USH2A: variants seen among roughly 807,000 people sequenced by gnomAD.
The protein encoded by USH2A is Usher syndrome 2A (autosomal recessive, mild).
A neutral mutation model predicts 538.9 loss-of-function variants in USH2A; 443 were observed. The observed-to-expected ratio is 0.82, with a 90% CI of 0.76 to 0.89. The LOEUF (loss-of-function observed/expected upper bound fraction) is 0.89. Among genes scored for constraint, USH2A ranks in the 40% least tolerant of loss-of-function variants. The pLI is 0.00. For missense variants in USH2A, 6,633 were observed against 6,324.8 expected (o/e 1.05, Z -1.65); for synonymous variants, 2,413 against 2,273.5 (o/e 1.06, Z -1.75).
At chr1:215,838,127 AT>A in intron 46 of USH2A, 24 bp from the exon 47 acceptor site, 4 of 1,577,400 alleles carry the variant, frequency 2.5e-6, no homozygotes, top group Non-Finnish European at 3.5e-6. Flanking sequence ...TTTAGAAAAA[AT>A]AAATGCAACC....
chr1:216,262,146 C>T (rs962403890), intron 11 of USH2A, among the ~76,000 whole-genome samples: 3 of 152,036 alleles, frequency 2.0e-5, no homozygotes, highest in Non-Finnish European at 2.9e-5. Context: ...AATGTAGGAA[C>T]ACAAGAAACA....
At chr1:216,333,432 G>C (rs548645957) in intron 4 of USH2A, among the ~76,000 whole-genome samples, 3 of 152,066 alleles carry the variant, frequency 2.0e-5, no homozygotes, top group Non-Finnish European at 2.9e-5. Context: ...GAAAGAGAAA[G>C]AATGTTGAGA....
At chr1:215,952,115 C>T (rs1325990925) in intron 37 of USH2A, among the ~76,000 whole-genome samples, 2 of 152,210 alleles carry the variant, frequency 1.3e-5, no homozygotes, top group Non-Finnish European at 2.9e-5. Flanking sequence ...CCACCCGCCT[C>T]GGCCTCCCAA....
chr1:216,421,591 G>T (rs910093990), intron 2 of USH2A, among the ~76,000 whole-genome samples: 2 of 152,134 alleles, frequency 1.3e-5, no homozygotes, highest in South Asian at 2.1e-4. Flanking sequence ...AAGACCAAAG[G>T]TCGCGCTAAG....
intron 21 of USH2A, among the ~76,000 whole-genome samples, chr1:216,132,002 G>A (rs1008600733): frequency 6.6e-6 from 1 of 151,984 alleles, no homozygotes; most frequent in Non-Finnish European, 1.5e-5. Context: ...TGGTAGAAAT[G>A]GGTTCTGAAT....
Position 215,640,717 on chromosome 1 carries a change from G to A in USH2A, c.14809C>T (p.Pro4937Ser), listed in dbSNP as rs1656650066. The change falls in exon 68 of 72, where the codon CCA (proline) becomes TCA (serine). Residue 4937 changes from proline (P) to serine (S), a missense_variant. Coordinates refer to ENST00000307340, the MANE Select transcript of USH2A (RefSeq NM_206933.4). ...TQKELPQYRAPFSVDSNLSVV... is the reference protein window; with the variant it reads ...TQKELPQYRASFSVDSNLSVV... The stretch of plus-strand genomic sequence containing the variant: ...GACAAATTGCTGTCCACCGAAAATG[G>A]GGCTCGGTACTGAGGCACTGTGGGG... The A allele has an allele frequency of 6.2e-7, 1 of 1,613,574 alleles. No individual in the cohort carries two copies. The highest frequency in any genetic ancestry group is 8.5e-7 in the Non-Finnish European group (1 of 1,179,942).
intron 30 of USH2A, among the ~76,000 whole-genome samples, chr1:216,054,397 T>C (rs1406552299): frequency 1.4e-5 from 2 of 144,304 alleles, no homozygotes; most frequent in Non-Finnish European, 2.9e-5. Flanking sequence ...AAAATCATTG[T>C]GGAGCTGACA....
intron 21 of USH2A, among the ~76,000 whole-genome samples, chr1:216,147,004 A>G (rs1285578939): frequency 6.6e-6 from 1 of 152,170 alleles, no homozygotes; most frequent in Admixed American, 6.5e-5. Flanking sequence ...GCAAAATCTA[A>G]ATAATTCTTG....
intron 21 of USH2A, among the ~76,000 whole-genome samples, chr1:216,168,175 C>A (rs72731368): frequency 1.4e-4 from 22 of 152,210 alleles, no homozygotes; most frequent in Non-Finnish European, 3.1e-4. Flanking sequence ...AATTATGATT[C>A]TTTTTCTGCT....
At chr1:215,821,953 G>C (rs992167448) in intron 47 of USH2A, among the ~76,000 whole-genome samples, 7 of 151,700 alleles carry the variant, frequency 4.6e-5, no homozygotes, top group African/African-American at 7.3e-5. Context: ...TTTATATCTG[G>C]GTTCTCTATT....
chr1:215,812,061 C>T (rs575499500), intron 49 of USH2A, among the ~76,000 whole-genome samples: 200 of 144,472 alleles, frequency 1.4e-3, no homozygotes, highest in Non-Finnish European at 2.1e-3. Context: ...CTCGGCTCAC[C>T]GCAACCTCTG....
chr1:215,647,775 T>A, intron 66 of USH2A, 45 bp from the exon 67 acceptor site: 1 of 1,598,408 alleles, frequency 6.3e-7, no homozygotes, highest in Non-Finnish European at 8.6e-7. Flanking sequence ...GTAATGGAAT[T>A]AGTTTAACTC....
intron 38 of USH2A, among the ~76,000 whole-genome samples, chr1:215,922,097 G>A (rs1666113771): frequency 6.6e-6 from 1 of 152,084 alleles, no homozygotes; most frequent in Non-Finnish European, 1.5e-5. Flanking sequence ...CTGACTTGAG[G>A]AAACATATTT....
chr1:216,122,567 TAA>T (rs2033159043), intron 21 of USH2A, among the ~76,000 whole-genome samples: 1 of 152,114 alleles, frequency 6.6e-6, no homozygotes, highest in Non-Finnish European at 1.5e-5. Flanking sequence ...TCCAAGAACA[TAA>T]AGAGAGTCAA....
intron 41 of USH2A, among the ~76,000 whole-genome samples, chr1:215,884,535 A>C (rs1211512233): frequency 2.0e-5 from 3 of 152,228 alleles, no homozygotes; most frequent in Non-Finnish European, 4.4e-5. Context: ...GTAAAATGGG[A>C]ATGACAATAG....
At chr1:216,394,350 G>A (rs2039166146) in intron 3 of USH2A, among the ~76,000 whole-genome samples, 1 of 149,048 alleles carries the variant, frequency 6.7e-6, no homozygotes, top group African/African-American at 2.5e-5. Context: ...ACAGTTTACG[G>A]GTCAATAGAG....
intron 21 of USH2A, among the ~76,000 whole-genome samples, chr1:216,111,733 G>A (rs1458011325): frequency 1.3e-5 from 2 of 150,160 alleles, no homozygotes; most frequent in South Asian, 2.1e-4. Context: ...AATCTAGTAT[G>A]CATAGGCTTC....
At chr1:215,655,749 T>TA (rs1657229576) in intron 64 of USH2A, among the ~76,000 whole-genome samples, 1 of 144,974 alleles carries the variant, frequency 6.9e-6, no homozygotes, top group South Asian at 2.2e-4. Context: ...TTTTTTTTTT[T>TA]CTTTGAGACA....
intron 19 of USH2A, among the ~76,000 whole-genome samples, chr1:216,191,618 T>C (rs1014581175): frequency 9.2e-5 from 14 of 152,018 alleles, no homozygotes; most frequent in Non-Finnish European, 1.9e-4. Context: ...ATTATTGATA[T>C]AATGAAGATA....
Sources: allele counts gnomAD v4.1 joint callset (sites outside exome capture counted in the v4.1 genomes callset), GRCh38; gene constraint gnomAD v4.1.1; transcripts MANE v1.5; gene names NCBI Gene and HGNC (gene_info 2026-07-23, HGNC 2026-07-21).